Variants in PPL observed in about 807,000 individuals in gnomAD.
The protein encoded by PPL is 190 kDa paraneoplastic pemphigus antigen.
In PPL, 198 loss-of-function variants were observed where a neutral mutation model predicts 194.4. The observed-to-expected ratio is 1.02, with a 90% confidence interval of 0.91 to 1.15. The LOEUF is 1.15. Among genes scored for constraint, PPL ranks in the 50% most tolerant of loss-of-function variants. The probability of loss-of-function intolerance (pLI) is 0.00; values close to 1 mark genes in which losing one functional copy is unlikely to be tolerated. For synonymous variants in PPL, 1,220 were observed against 972.4 expected, an observed-to-expected ratio of 1.25 and a Z score of -4.74; for missense variants, 2,885 against 2,294.8, an observed-to-expected ratio of 1.26 and a Z score of -5.25.
In PPL at chr16:4,899,083, C is replaced by T. The variant is rs1391590082; in HGVS notation, c.806G>A (p.Arg269Lys). Residue 269 changes from arginine (R) to lysine (K), a missense_variant, in exon 8 of 22, where the codon AGA becomes AAA. Coordinates refer to ENST00000345988, the MANE Select transcript of PPL (RefSeq NM_002705.5). The part of the protein sequence containing the change: ...INRNLEAKEE[R>K]INKLHSEGDQ... ...GCCCTCGCTGTGCAGTTTGTTGATT[C>T]TCTCCTCTTTGGCCTCCAGGTTCCG... 1 of 1,577,174 alleles carries T rather than the reference C, an allele frequency of 6.3e-7. No individual in the cohort carries two copies. The highest frequency in any genetic ancestry group is 2.3e-5 in the East Asian group (1 of 42,556).
Position 4,883,774 on chromosome 16 carries a change from C to A in PPL, c.4881G>T (p.Lys1627Asn). The change falls in exon 22 of 22, where the codon AAG becomes AAT. Residue 1627 changes from lysine (K) to asparagine (N), a missense_variant. By Grantham distance (94) the Lys-to-Asn change is moderately conservative. Transcript: ENST00000345988. This position sits in a 1 kb window ranked among gnomAD's most constrained non-coding sequence, Gnocchi z 4.8. ...GCTCGTCGATCTCGAGGTCTTTGTCCTTGGAGAGCCTCTTGAGGTCATCCA... is the reference window on the plus strand; with the variant it reads ...GCTCGTCGATCTCGAGGTCTTTGTCATTGGAGAGCCTCTTGAGGTCATCCA... ...RELDDLKRLS[K>N]DKDLEIDELQ... 2 of 1,614,128 alleles carry A rather than the reference C, an allele frequency of 1.2e-6. No homozygotes were observed. The highest frequency in any genetic ancestry group is 1.7e-6 in the Non-Finnish European group (2 of 1,180,036).
In PPL at chr16:4,902,161, G is replaced by A. The variant is rs1242885414; in HGVS notation, c.438+245C>T. Among the ~76,000 whole-genome samples, 1 of 152,220 alleles carries A rather than the reference G, an allele frequency of 6.6e-6. No individual in the cohort carries two copies. Among genetic ancestry groups the A allele is most frequent in the East Asian group, 1.9e-4 (1 of 5,198 alleles). Reference sequence around the variant, plus strand: ...GGTTGGAAAGTGGGACCCAGGAGCAGCAGCGAGGTGTGGCTGACAGGGGAC... The same window carrying A: ...GGTTGGAAAGTGGGACCCAGGAGCAACAGCGAGGTGTGGCTGACAGGGGAC... On this transcript the variant is annotated intron_variant, in intron 4 of 21. Coordinates refer to ENST00000345988, the MANE Select transcript of PPL (RefSeq NM_002705.5). The surrounding 1 kb of genome is among the most constrained non-coding windows in gnomAD (Gnocchi z 4.0).
rs756466876 is a variant in PPL at position 4,884,764 on chromosome 16, T to C, written c.3891A>G (p.Gln1297=). 4 of 1,614,180 alleles carry C rather than the reference T, an allele frequency of 2.5e-6. No individual in the cohort carries two copies. The highest frequency in any genetic ancestry group is 1.1e-5 in the South Asian group (1 of 91,084). ...QTKEVVQEIL[Q]FQEDPQTKEE... is the part of the protein sequence containing the mutation. ...CCTTGGTTTGAGGGTCTTCTTGGAA[T>C]TGGAGGATCTCCTGGACCACCTCTT... Residue 1297 remains glutamine, a synonymous_variant, in exon 22 of 22, where the codon CAA becomes CAG. Coordinates refer to ENST00000345988, the MANE Select transcript of PPL (RefSeq NM_002705.5). The surrounding 1 kb of genome is among the most constrained non-coding windows in gnomAD (Gnocchi z 5.7).
At position 4,899,346 on chromosome 16, in the gene PPL, C is replaced by A; in HGVS notation, c.645G>T (p.Leu215=). 6.2e-7 allele frequency: 1 copy of A among 1,611,826 alleles called. No individual in the cohort carries two copies. The highest frequency in any genetic ancestry group is 8.5e-7 in the Non-Finnish European group (1 of 1,179,036). Residue 215 remains leucine (L), a synonymous_variant, in exon 7 of 22, where the codon CTG becomes CTT. Coordinates refer to ENST00000345988, the MANE Select transcript of PPL (RefSeq NM_002705.5). ...TGGTGCAGCGCTGCATGTAGTCCTGCAGCGAACTCAGGTGCTGCTGCCGGG... is the reference window on the plus strand; with the variant it reads ...TGGTGCAGCGCTGCATGTAGTCCTGAAGCGAACTCAGGTGCTGCTGCCGGG... The part of the protein sequence containing the change: ...SQARQQHLSS[L]QDYMQRCTNE...
At chr16:4,889,946 C>G (rs902715798) in intron 18 of PPL, among the ~76,000 whole-genome samples, 1 of 152,214 alleles carries the variant, frequency 6.6e-6, no homozygotes, top group Non-Finnish European at 1.5e-5. Flanking sequence ...GCCAAGTGTC[C>G]ATTCTGCACC....
intron 2 of PPL, among the ~76,000 whole-genome samples, chr16:4,910,193 T>G (rs6500639): frequency 0.89 from 135,682 of 152,246 alleles, 60,643 homozygotes; most frequent in East Asian, 0.94. Flanking sequence ...GAGGCACAGA[T>G]AGGGGAAAGT....
chr16:4,902,917 G>C lies in PPL; in HGVS notation c.318-391C>G, dbSNP rs2088605878. ...TTGGTCAGGCTGGTCTCGAACTCCT[G>C]ACCTCAGGTGATCCGTCCGCTTCGG... On this transcript the variant is annotated intron_variant, in intron 3 of 21. Coordinates refer to ENST00000345988, the MANE Select transcript of PPL (RefSeq NM_002705.5). This position sits in a 1 kb window ranked among gnomAD's most constrained non-coding sequence, Gnocchi z 4.0. 6.6e-6 allele frequency among the ~76,000 whole-genome samples: 1 copy of C among 152,124 alleles called. No homozygotes were observed. Among genetic ancestry groups the C allele is most frequent in the South Asian group, 2.1e-4 (1 of 4,830 alleles).
At position 4,896,435 on chromosome 16, in the gene PPL, G is replaced by A. The variant is rs549036925; in HGVS notation, c.973-719C>T. ...TGAAGCACTGAAAATGCTACAACAC[G>A]GATGAACCCGGAAAACATGATGCTC... On this transcript the variant is annotated intron_variant, in intron 9 of 21. Transcript: ENST00000345988. Among the ~76,000 whole-genome samples the A allele has an allele frequency of 1.6e-4, 25 of 152,246 alleles. 1 individual carries two copies. The highest frequency in any genetic ancestry group is 1.6e-3 in the Admixed American group (24 of 15,288).
At chr16:4,900,176 A>G (rs1253454915) in intron 6 of PPL, among the ~76,000 whole-genome samples, 1 of 152,194 alleles carries the variant, frequency 6.6e-6, no homozygotes, top group African/African-American at 2.4e-5. Flanking sequence ...CGTTTGCATA[A>G]CACTTATGCA....
At chr16:4,925,419 C>T (rs775315715) in intron 1 of PPL, among the ~76,000 whole-genome samples, 6 of 152,194 alleles carry the variant, frequency 3.9e-5, no homozygotes, top group Non-Finnish European at 7.3e-5. Context: ...GGGTGCCCAG[C>T]GACCGCTCAG....
Position 4,885,016 on chromosome 16 carries a change from C to T in PPL, c.3639G>A (p.Gln1213=), listed in dbSNP as rs1352708742. The stretch of plus-strand genomic sequence containing the variant: ...GCCTCCTGAGGGCCTCCAGCTCACT[C>T]TGGTAGCTCCGGAGCTGCTCCTCGG... The part of the protein sequence containing the change: ...RGAEEQLRSY[Q]SELEALRRRG... Residue 1213 remains glutamine, a synonymous_variant, in exon 22 of 22, where the codon CAG becomes CAA. Transcript: ENST00000345988. This position sits in a 1 kb window ranked among gnomAD's most constrained non-coding sequence, Gnocchi z 6.3. 3 of 1,613,926 alleles carry T rather than the reference C, an allele frequency of 1.9e-6. No individual in the cohort carries two copies. The highest frequency in any genetic ancestry group is 2.5e-6 in the Non-Finnish European group (3 of 1,180,030).
intron 1 of PPL, among the ~76,000 whole-genome samples, chr16:4,920,331 G>T (rs2089016877): frequency 1.5e-5 from 1 of 65,594 alleles, no homozygotes; most frequent in Non-Finnish European, 4.9e-5. Flanking sequence ...AAGAAAGAAA[G>T]AAAGAGAGAG....
intron 1 of PPL, among the ~76,000 whole-genome samples, chr16:4,914,084 G>C (rs914599200): frequency 2.0e-5 from 3 of 152,212 alleles, no homozygotes; most frequent in Non-Finnish European, 4.4e-5. Context: ...GGGTGCTAAA[G>C]CAAAAGGAAG....
chr16:4,920,353 A>AAGAAAGAAAGAAAGAAAGAAAG (rs2089022235), intron 1 of PPL, among the ~76,000 whole-genome samples: 1 of 70,576 alleles, frequency 1.4e-5, no homozygotes, highest in Non-Finnish European at 4.7e-5. Context: ...GAGAGAAAGA[A>AAGAAAGAAAGAAAGAAAGAAAG]AGAAAGAAAG....
intron 1 of PPL, among the ~76,000 whole-genome samples, chr16:4,913,445 C>G (rs193107748): frequency 8.0e-4 from 122 of 152,298 alleles, no homozygotes; most frequent in Middle Eastern, 6.8e-3. Context: ...TGAGGTTACA[C>G]TACCAAAGGA....
Position 4,887,172 on chromosome 16 carries a change from A to T in PPL, c.2570T>A (p.Leu857Gln), listed in dbSNP as rs141819560. 8.1e-6 allele frequency: 13 copies of T among 1,614,108 alleles called. No individual in the cohort carries two copies. Among genetic ancestry groups the T allele is most frequent in the Non-Finnish European group, 1.1e-5 (13 of 1,180,018 alleles). ...TEVYAINRQR[L>Q]QNLEFALNLL... ...ATTCAGAGCAAACTCCAGATTCTGC[A>T]GCCTCTGTCTGTTGATGGCATAAAC... is the stretch of plus-strand genomic sequence containing the variant. Residue 857 changes from leucine to glutamine, a missense_variant, in exon 21 of 22, where the codon CTG becomes CAG. Coordinates refer to ENST00000345988, the MANE Select transcript of PPL (RefSeq NM_002705.5).
chr16:4,885,082 G>C lies in PPL; in HGVS notation c.3573C>G (p.Leu1191=). 13 of 1,613,752 alleles carry C rather than the reference G, an allele frequency of 8.1e-6. No individual in the cohort carries two copies. The highest frequency in any genetic ancestry group is 1.1e-5 in the Non-Finnish European group (13 of 1,180,020). The change falls in exon 22 of 22, where the codon CTC becomes CTG. Residue 1191 remains leucine, a synonymous_variant. Coordinates refer to ENST00000345988, the MANE Select transcript of PPL (RefSeq NM_002705.5). The surrounding 1 kb of genome is among the most constrained non-coding windows in gnomAD (Gnocchi z 6.3). ...GCTCCTGCTCCACAAGCTCCAGGCG[G>C]AGGTTCGCCACTTCACTTTCCGCCT... The part of the protein sequence containing the change: ...DPKAESEVAN[L]RLELVEQERK...
chr16:4,890,295 G>A lies in PPL; in HGVS notation c.2202C>T (p.His734=), dbSNP rs376801700. The change falls in exon 18 of 22, where the codon CAC becomes CAT. Residue 734 remains histidine, a synonymous_variant. Coordinates refer to ENST00000345988, the MANE Select transcript of PPL (RefSeq NM_002705.5). ...SLQSAKAAYE[H]FHRGHDHVLQ... is the part of the protein sequence containing the mutation. ...GCACGTGGTCATGGCCGCGGTGGAAGTGCTCGTAGGCTGCCTTGGCGCTCT... is the reference window on the plus strand; with the variant it reads ...GCACGTGGTCATGGCCGCGGTGGAAATGCTCGTAGGCTGCCTTGGCGCTCT... 1.2e-6 allele frequency: 2 copies of A among 1,614,042 alleles called. No homozygotes were observed. The highest frequency in any genetic ancestry group is 1.7e-6 in the Non-Finnish European group (2 of 1,180,032).
intron 18 of PPL, 115 bp downstream of exon 18, chr16:4,890,069 G>A: frequency 6.8e-7 from 1 of 1,461,320 alleles, no homozygotes; most frequent in Non-Finnish European, 9.4e-7. Context: ...CACAGCTGTG[G>A]CAGGCCTCTG....
Sources: gnomAD v4.1 joint callset for allele counts (sites outside exome capture counted in the v4.1 genomes callset) on GRCh38, gnomAD v4.1.1 for gene constraint, Gnocchi (gnomAD v3.1) non-coding constraint, MANE v1.5 for transcripts, NCBI Gene and HGNC (gene_info 2026-07-23, HGNC 2026-07-21) for gene names.